Variants in GPC6 observed in about 807,000 individuals in gnomAD.
The protein encoded by GPC6 is glypican-6.
GPC6 carries 14 observed loss-of-function variants against 55.2 expected under a neutral mutation model. That is an observed-to-expected ratio of 0.25 (90% CI 0.17 to 0.40). The LOEUF (loss-of-function observed/expected upper bound fraction) is 0.40. GPC6 is among the 10% of genes least tolerant of loss of function. The pLI is 1.00. For missense variants in GPC6, 641 were observed against 708.5 expected (o/e 0.90, Z 1.08); for synonymous variants, 278 against 259.6 (o/e 1.07, Z -0.68).
chr13:94,200,713 A>AT (rs1889721255), intron 4 of GPC6, among the ~76,000 whole-genome samples: 6 of 152,340 alleles, frequency 3.9e-5, no homozygotes, highest in Admixed American at 3.3e-4. Flanking sequence ...GAGTTGGCAG[A>AT]TTTGCTAATG....
At chr13:93,829,071 C>T (rs967790082) in intron 2 of GPC6, among the ~76,000 whole-genome samples, 2 of 152,122 alleles carry the variant, frequency 1.3e-5, no homozygotes, top group African/African-American at 4.8e-5. Flanking sequence ...CCCTGCATTT[C>T]TGAGAAGGGG....
chr13:93,527,890 C>G (rs1259178576), intron 1 of GPC6, among the ~76,000 whole-genome samples: 3 of 152,124 alleles, frequency 2.0e-5, no homozygotes, highest in Non-Finnish European at 4.4e-5. Flanking sequence ...AAGAAATATA[C>G]ACTTATAGAC....
At chr13:94,079,051 A>T (rs1258497046) in intron 4 of GPC6, among the ~76,000 whole-genome samples, 1 of 152,102 alleles carries the variant, frequency 6.6e-6, no homozygotes, top group East Asian at 1.9e-4. Flanking sequence ...AAAAAATAAG[A>T]AATGACAAGA....
chr13:93,605,562 C>T (rs964519800), intron 2 of GPC6, among the ~76,000 whole-genome samples: 1 of 151,818 alleles, frequency 6.6e-6, no homozygotes, highest in Non-Finnish European at 1.5e-5. Flanking sequence ...GGCTGGGTGC[C>T]GTGGTGGCTC....
At chr13:93,946,460 A>C (rs1054013347) in intron 3 of GPC6, among the ~76,000 whole-genome samples, 6 of 150,110 alleles carry the variant, frequency 4.0e-5, no homozygotes, top group Admixed American at 1.3e-4. Context: ...TGACTTACTT[A>C]ATTCAAAATT....
At chr13:93,948,715 CAATA>C (rs1444353519) in intron 3 of GPC6, among the ~76,000 whole-genome samples, 1 of 152,062 alleles carries the variant, frequency 6.6e-6, no homozygotes, top group Non-Finnish European at 1.5e-5. Context: ...GTGTGTGAGG[CAATA>C]AATGTCATCC....
chr13:93,229,382 C>T (rs1430471715), intron 1 of GPC6, among the ~76,000 whole-genome samples: 2 of 152,024 alleles, frequency 1.3e-5, no homozygotes, highest in East Asian at 1.9e-4. Flanking sequence ...AGATATTTCC[C>T]AACATGATTT....
At chr13:93,310,779 A>C (rs1879039342) in intron 1 of GPC6, among the ~76,000 whole-genome samples, 1 of 152,186 alleles carries the variant, frequency 6.6e-6, no homozygotes, top group Admixed American at 6.6e-5. Flanking sequence ...GCGCTGTTGT[A>C]ACTAATCATA....
At chr13:94,176,026 C>CCACTT (rs1179803738) in intron 4 of GPC6, among the ~76,000 whole-genome samples, 1 of 148,392 alleles carries the variant, frequency 6.7e-6, no homozygotes, top group Non-Finnish European at 1.5e-5. Flanking sequence ...TTTTAATTCA[C>CCACTT]CACTTTTAAA....
At chr13:94,356,841 G>T (rs528813767) in intron 6 of GPC6, among the ~76,000 whole-genome samples, 1 of 152,272 alleles carries the variant, frequency 6.6e-6, no homozygotes, top group Non-Finnish European at 1.5e-5. Flanking sequence ...GTTCAAAGCT[G>T]CAGTGAGCTA....
intron 1 of GPC6, among the ~76,000 whole-genome samples, chr13:93,403,064 A>G (rs1876149923): frequency 6.6e-6 from 1 of 152,224 alleles, no homozygotes; most frequent in Non-Finnish European, 1.5e-5. Context: ...CTCAATGTCA[A>G]TAAAAATAAG....
At chr13:93,774,251 T>C (rs1026643574) in intron 2 of GPC6, among the ~76,000 whole-genome samples, 3 of 152,138 alleles carry the variant, frequency 2.0e-5, no homozygotes, top group Admixed American at 6.6e-5. Context: ...CAATGGAGGT[T>C]AGGTCTTCAA....
intron 1 of GPC6, among the ~76,000 whole-genome samples, chr13:93,426,533 C>T (rs962373455): frequency 1.3e-5 from 2 of 151,786 alleles, no homozygotes; most frequent in African/African-American, 4.8e-5. Context: ...GGATGATTTC[C>T]AATTTCATCC....
At chr13:93,824,761 T>C (rs988872819) in intron 2 of GPC6, among the ~76,000 whole-genome samples, 2 of 152,100 alleles carry the variant, frequency 1.3e-5, no homozygotes, top group Non-Finnish European at 2.9e-5. Flanking sequence ...GGGATCTTTC[T>C]TTCTCTGAGG....
At chr13:94,044,881 C>T (rs1883670365) in intron 4 of GPC6, among the ~76,000 whole-genome samples, 1 of 151,632 alleles carries the variant, frequency 6.6e-6, no homozygotes, top group Non-Finnish European at 1.5e-5. Flanking sequence ...TATTATTTAA[C>T]TGAACAAATT....
intron 1 of GPC6, among the ~76,000 whole-genome samples, chr13:93,344,953 G>T (rs976677193): frequency 6.6e-6 from 1 of 152,082 alleles, no homozygotes; most frequent in Non-Finnish European, 1.5e-5. Flanking sequence ...AATGCATAAG[G>T]TAATTCTTTC....
At chr13:93,490,271 T>C (rs1001857723) in intron 1 of GPC6, among the ~76,000 whole-genome samples, 5 of 151,466 alleles carry the variant, frequency 3.3e-5, no homozygotes, top group Non-Finnish European at 7.4e-5. Context: ...TAAAATTAAA[T>C]TGTTTTGAAT....
intron 6 of GPC6, among the ~76,000 whole-genome samples, chr13:94,348,629 G>T (rs1286992402): frequency 6.6e-6 from 1 of 152,116 alleles, no homozygotes; most frequent in Non-Finnish European, 1.5e-5. Context: ...CCCTGCCTTA[G>T]TAGCTACTCC....
intron 3 of GPC6, among the ~76,000 whole-genome samples, chr13:93,944,065 G>A (rs141864877): frequency 0.024 from 3,667 of 152,202 alleles, 57 homozygotes; most frequent in Middle Eastern, 0.051. Flanking sequence ...CAATAGCCAG[G>A]CAGTACAGTG....
Sources: allele counts gnomAD v4.1 joint callset (sites outside exome capture counted in the v4.1 genomes callset), GRCh38; gene constraint gnomAD v4.1.1; transcripts MANE v1.5; gene names NCBI Gene and HGNC (gene_info 2026-07-23, HGNC 2026-07-21).